Variants in NME8 observed in about 807,000 individuals in gnomAD.
NME8 encodes protein NME8.
A neutral mutation model predicts 82.3 loss-of-function variants in NME8; 72 were observed. That is an observed-to-expected ratio of 0.87 (90% CI 0.72 to 1.06). NME8 has a LOEUF of 1.06. NME8 is among the 50% of genes least tolerant of loss of function. The pLI, the probability that NME8 is intolerant of heterozygous loss-of-function variation, is 0.00. For missense variants in NME8, 712 were observed against 685.4 expected, an observed-to-expected ratio of 1.04 and a Z score of -0.43; for synonymous variants, 267 against 228.5, an observed-to-expected ratio of 1.17 and a Z score of -1.52.
At position 37,882,575 on chromosome 7, in the gene NME8, GAAAGAAAGAAAGAAAGAA is replaced by G. The variant is rs765928138; in HGVS notation, c.995-1726_995-1709del. ...AGAAAGAAAGAAAGAAAGAAAGAAA[GAAAGAAAGAAAGAAAGAA>G]AGAAAGAGAGAGAGAGAGAGAGAAA... On this transcript the variant is annotated intron_variant, in intron 12 of 17. Coordinates refer to ENST00000199447, the MANE Select transcript of NME8 (RefSeq NM_016616.5). Among the ~76,000 whole-genome samples, 347 of 42,884 alleles carry G rather than the reference GAAAGAAAGAAAGAAAGAA, an allele frequency of 8.1e-3. 3 individuals carry two copies. The highest frequency in any genetic ancestry group is 9.7e-3 in the Non-Finnish European group (202 of 20,732). 28.1% of individuals were successfully genotyped at this position (42,884 alleles called of 152,430 possible).
chr7:37,882,613 G>GAGAGAGAGAGAAAGAAAGAA, intron 12 of NME8, among the ~76,000 whole-genome samples: 1 of 85,126 alleles, frequency 1.2e-5, no homozygotes, highest in Middle Eastern at 8.5e-3. Context: ...GAGAGAGAGA[G>GAGAGAGAGAGAAAGAAAGAA]AGAAAGAAAG....
chr7:37,897,445 T>C (rs1785246982), intron 17 of NME8, among the ~76,000 whole-genome samples: 1 of 152,190 alleles, frequency 6.6e-6, no homozygotes. Context: ...AAAAGCCTCA[T>C]GCAGTCCCTC....
intron 16 of NME8, among the ~76,000 whole-genome samples, chr7:37,895,647 T>G (rs1369292153): frequency 2.0e-5 from 3 of 152,184 alleles, no homozygotes; most frequent in African/African-American, 4.8e-5. Flanking sequence ...ACAGTCATGC[T>G]TTGCAGTACA....
In NME8 at chr7:37,884,402, A is replaced by G. The variant is rs763179633; in HGVS notation, c.1094A>G (p.Tyr365Cys). Residue 365 changes from tyrosine to cysteine, a missense_variant, in exon 13 of 18, where the codon TAT becomes TGT. Physicochemically the swap from Tyr to Cys is radical, Grantham distance 194. Coordinates refer to ENST00000199447, the MANE Select transcript of NME8 (RefSeq NM_016616.5). Reference sequence around the variant, plus strand: ...GAAGCACAAGCACTGTGCAAGGAATATGAAAATGAAGACTATTTTAATAAA... The same window carrying G: ...GAAGCACAAGCACTGTGCAAGGAATGTGAAAATGAAGACTATTTTAATAAA... The part of the protein sequence containing the change: ...EKEAQALCKE[Y>C]ENEDYFNKLI... The G allele has an allele frequency of 6.2e-7, 1 of 1,611,276 alleles. No individual in the cohort carries two copies.
At chr7:37,856,809 C>T (rs1294702543) in intron 5 of NME8, among the ~76,000 whole-genome samples, 1 of 152,154 alleles carries the variant, frequency 6.6e-6, no homozygotes, top group African/African-American at 2.4e-5. Context: ...AGGAAACATA[C>T]TATCTCTGTG....
chr7:37,879,808 T>C (rs917788570), intron 12 of NME8, among the ~76,000 whole-genome samples: 1 of 152,222 alleles, frequency 6.6e-6, no homozygotes, highest in Non-Finnish European at 1.5e-5. Flanking sequence ...ACTTTCCATT[T>C]TTGTTAGAAA....
intron 11 of NME8, among the ~76,000 whole-genome samples, chr7:37,872,850 T>C (rs375706542): frequency 6.6e-6 from 1 of 152,092 alleles, no homozygotes; most frequent in Admixed American, 6.6e-5. Flanking sequence ...GGGCTTACAA[T>C]AGTCCACCCT....
intron 9 of NME8, 70 bp from the exon 10 acceptor site, chr7:37,865,455 A>G (rs1784662063): frequency 8.9e-7 from 1 of 1,125,420 alleles, no homozygotes; most frequent in Non-Finnish European, 1.4e-6. Flanking sequence ...GTTAAGCCCA[A>G]AAAACAAACT....
chr7:37,896,811 G>T (rs917147397), intron 16 of NME8, 59 bp from the exon 17 acceptor site: 1 of 1,423,998 alleles, frequency 7.0e-7, no homozygotes, highest in African/African-American at 1.4e-5. Context: ...CTTTAGCCTT[G>T]TTTGCAGTGT....
chr7:37,867,965 C>A (rs1308745215), intron 11 of NME8, 67 bp downstream of exon 11: 1 of 1,325,386 alleles, frequency 7.5e-7, no homozygotes, highest in Non-Finnish European at 1.1e-6. Context: ...GTAGTGTAGG[C>A]ACCTCAGTAC....
chr7:37,886,862 C>CA (rs3837059), intron 14 of NME8, among the ~76,000 whole-genome samples: 50,507 of 142,082 alleles, frequency 0.36, 9,220 homozygotes, highest in East Asian at 0.44. Flanking sequence ...GGTGATAAGG[C>CA]AAAAAAAAAA....
At chr7:37,856,605 T>G (rs1212927976) in intron 5 of NME8, among the ~76,000 whole-genome samples, 2 of 152,246 alleles carry the variant, frequency 1.3e-5, no homozygotes, top group African/African-American at 4.8e-5. Context: ...AAGAAGACAC[T>G]ATTATTGAAT....
chr7:37,878,677 T>C (rs1187958631), intron 12 of NME8, among the ~76,000 whole-genome samples: 1 of 152,176 alleles, frequency 6.6e-6, no homozygotes, highest in Non-Finnish European at 1.5e-5. Flanking sequence ...TATTTTTAAA[T>C]AAATAGACTT....
At chr7:37,896,771 A>G in intron 16 of NME8, 99 bp from the exon 17 acceptor site, 1 of 951,716 alleles carries the variant, frequency 1.1e-6, no homozygotes, top group Non-Finnish European at 1.7e-6. Context: ...AATAAAAAGG[A>G]GCTCCCTGGC....
intron 10 of NME8, among the ~76,000 whole-genome samples, chr7:37,866,086 A>G (rs1161845129): frequency 6.6e-6 from 1 of 151,962 alleles, no homozygotes; most frequent in African/African-American, 2.4e-5. Flanking sequence ...GTCTGGGGAT[A>G]TAATATAATA....
At chr7:37,872,688 GA>G (rs1165666507) in intron 11 of NME8, among the ~76,000 whole-genome samples, 2 of 152,198 alleles carry the variant, frequency 1.3e-5, no homozygotes, top group Non-Finnish European at 2.9e-5. Flanking sequence ...TAGACAGGAT[GA>G]GAGCAGAAGT....
intron 12 of NME8, among the ~76,000 whole-genome samples, chr7:37,880,437 C>G (rs1354102380): frequency 1.3e-5 from 2 of 152,136 alleles, no homozygotes; most frequent in Non-Finnish European, 2.9e-5. Flanking sequence ...TATTTCAGCA[C>G]CATTTGTTGA....
rs934943362 is a variant in NME8, at chr7:37,850,397, G to A, written c.53G>A (p.Ser18Asn). 7 of 1,614,020 alleles carry A rather than the reference G, an allele frequency of 4.3e-6. No homozygotes were observed. The highest frequency in any genetic ancestry group is 1.7e-5 in the Admixed American group (1 of 60,004). ...TTGCAGACAGTCATCAATAATCAAAGCCTGTGGGATGAGATGTTGCAGAAC... is the reference window on the plus strand; with the variant it reads ...TTGCAGACAGTCATCAATAATCAAAACCTGTGGGATGAGATGTTGCAGAAC... ...VQLQTVINNQ[S>N]LWDEMLQNKG... The change falls in exon 4 of 18, where the codon AGC becomes AAC. Residue 18 changes from serine (S) to asparagine (N), a missense_variant. Ser to Asn is a conservative substitution (Grantham distance 46). Coordinates refer to ENST00000199447, the MANE Select transcript of NME8 (RefSeq NM_016616.5).
chr7:37,856,297 G>T (rs1784510222), intron 5 of NME8, among the ~76,000 whole-genome samples: 1 of 152,138 alleles, frequency 6.6e-6, no homozygotes, highest in African/African-American at 2.4e-5. Flanking sequence ...ACTTTAGAAG[G>T]TAATTAGAGT....
Sources: gnomAD v4.1 joint callset for allele counts (sites outside exome capture counted in the v4.1 genomes callset) on GRCh38, gnomAD v4.1.1 for gene constraint, MANE v1.5 for transcripts, NCBI Gene and HGNC (gene_info 2026-07-23, HGNC 2026-07-21) for gene names.